NAA15: variants seen among roughly 807,000 people sequenced by gnomAD.
NAA15 encodes the protein N-alpha-acetyltransferase 15, NatA auxiliary subunit, also known as N-terminal acetyltransferase.
A neutral mutation model predicts 114.0 loss-of-function variants in NAA15; 34 were observed. That is an observed-to-expected ratio of 0.30 (90% CI 0.23 to 0.40). The LOEUF (loss-of-function observed/expected upper bound fraction) is 0.40. Ranked by LOEUF, NAA15 falls within the 10% of genes least tolerant of loss-of-function variation. NAA15 has a pLI of 1.00. For missense variants in NAA15, 658 were observed against 1,004.5 expected, an observed-to-expected ratio of 0.66 and a Z score of 4.66; for synonymous variants, 340 against 338.0, an observed-to-expected ratio of 1.01 and a Z score of -0.06.
chr4:139,374,513 A>G (rs1748531602), intron 15 of NAA15, among the ~76,000 whole-genome samples: 1 of 152,162 alleles, frequency 6.6e-6, no homozygotes, highest in South Asian at 2.1e-4. Flanking sequence ...TATTGAAAAC[A>G]TGGTTTTCAT....
intron 1 of NAA15, among the ~76,000 whole-genome samples, chr4:139,315,070 GT>G (rs1280426556): frequency 1.5e-5 from 2 of 129,058 alleles, no homozygotes; most frequent in Admixed American, 1.5e-4. Flanking sequence ...GTTTAGTTTA[GT>G]TTAGTTTTTG....
intron 1 of NAA15, among the ~76,000 whole-genome samples, chr4:139,321,805 CT>C (rs1201045805): frequency 6.6e-6 from 1 of 151,748 alleles, no homozygotes; most frequent in Non-Finnish European, 1.5e-5. Context: ...TTTTTGTTGC[CT>C]TTGTGTTTTG....
intron 1 of NAA15, among the ~76,000 whole-genome samples, chr4:139,306,439 T>C (rs1746018655): frequency 6.6e-6 from 1 of 152,004 alleles, no homozygotes; most frequent in South Asian, 2.1e-4. Context: ...TTCACCATGT[T>C]GGCCAGGCTG....
intron 1 of NAA15, among the ~76,000 whole-genome samples, chr4:139,329,561 C>G (rs1746929940): frequency 6.6e-6 from 1 of 152,128 alleles, no homozygotes; most frequent in Non-Finnish European, 1.5e-5. Flanking sequence ...TGTATGTCTA[C>G]TCTTAAGGAA....
At chr4:139,382,806 A>G (rs927463282) in intron 17 of NAA15, among the ~76,000 whole-genome samples, 2 of 152,214 alleles carry the variant, frequency 1.3e-5, no homozygotes, top group East Asian at 3.8e-4. Context: ...AAGAAATGCT[A>G]TTTAACCAAC....
At chr4:139,325,933 T>C (rs767024919) in intron 1 of NAA15, among the ~76,000 whole-genome samples, 4 of 152,212 alleles carry the variant, frequency 2.6e-5, no homozygotes, top group Non-Finnish European at 5.9e-5. Context: ...CCGTTGTCTG[T>C]TTTTATATGC....
At chr4:139,308,337 T>C (rs1004282407) in intron 1 of NAA15, among the ~76,000 whole-genome samples, 1 of 152,204 alleles carries the variant, frequency 6.6e-6, no homozygotes, top group Non-Finnish European at 1.5e-5. Context: ...TTAATGATAC[T>C]TAGTTTAGCT....
chr4:139,381,306 G>A (rs1475198496), intron 17 of NAA15, among the ~76,000 whole-genome samples: 1 of 152,084 alleles, frequency 6.6e-6, no homozygotes, highest in African/African-American at 2.4e-5. Context: ...TCAGTGCTAA[G>A]TAAAAGATAG....
chr4:139,384,322 A>G (rs1334631781), intron 17 of NAA15, among the ~76,000 whole-genome samples: 2 of 152,172 alleles, frequency 1.3e-5, no homozygotes, highest in East Asian at 1.9e-4. Context: ...ACAAAAAAAT[A>G]GAAAAATTAG....
intron 1 of NAA15, among the ~76,000 whole-genome samples, chr4:139,327,780 C>T (rs531609788): frequency 6.6e-6 from 1 of 152,050 alleles, no homozygotes; most frequent in Admixed American, 6.5e-5. Context: ...ATTCTCCTGC[C>T]TCTGCCTCCC....
intron 1 of NAA15, among the ~76,000 whole-genome samples, chr4:139,312,855 A>G (rs1049932601): frequency 1.1e-4 from 16 of 151,742 alleles, no homozygotes; most frequent in African/African-American, 3.6e-4. Flanking sequence ...GGGGGGGAAA[A>G]AAAAAGTAAA....
At position 139,313,888 on chromosome 4, in the gene NAA15, G is replaced by C. The variant is rs150648789; in HGVS notation, c.54+12057G>C. 2.6e-3 allele frequency among the ~76,000 whole-genome samples: 397 copies of C among 151,816 alleles called. 9 individuals are homozygous for C. The highest frequency in any genetic ancestry group is 8.4e-3 in the African/African-American group (349 of 41,326). ...ATATACAGGTAATTCCACTGTATCG[G>C]GACATGGAGATTCCTAAAAGTCGCT... On this transcript the variant is annotated intron_variant, in intron 1 of 19. Transcript: ENST00000296543.
At chr4:139,376,216 T>C (rs762524348) in intron 15 of NAA15, 149 bp from the exon 16 acceptor site, 2 of 520,666 alleles carry the variant, frequency 3.8e-6, no homozygotes, top group Non-Finnish European at 6.7e-6. Context: ...ATCCCCTTTT[T>C]TAGGTTATAG....
chr4:139,339,623 C>T (rs1022691710), intron 3 of NAA15, among the ~76,000 whole-genome samples: 13 of 151,798 alleles, frequency 8.6e-5, no homozygotes, highest in African/African-American at 2.2e-4. Flanking sequence ...TGGTGGCAGA[C>T]GCTTGTAATC....
intron 1 of NAA15, among the ~76,000 whole-genome samples, chr4:139,309,469 G>C (rs182564597): frequency 2.2e-5 from 3 of 135,978 alleles, no homozygotes; most frequent in Middle Eastern, 3.7e-3. Context: ...GTGTGTGTGT[G>C]TCCAGGATTT....
chr4:139,376,008 TCTCTGTAGTCTC>T (rs1226294609), intron 15 of NAA15, among the ~76,000 whole-genome samples: 1 of 152,186 alleles, frequency 6.6e-6, no homozygotes, highest in East Asian at 1.9e-4. Context: ...TCTGTCATGG[TCTCTGTAGTCTC>T]CTTTGTACTT....
intron 14 of NAA15, among the ~76,000 whole-genome samples, chr4:139,365,354 A>G (rs1346477112): frequency 2.6e-5 from 4 of 151,922 alleles, no homozygotes; most frequent in South Asian, 4.2e-4. Context: ...TGTCTTTTTA[A>G]TCATCTGGAG....
chr4:139,309,681 A>T (rs1242655171), intron 1 of NAA15, among the ~76,000 whole-genome samples: 1 of 151,958 alleles, frequency 6.6e-6, no homozygotes, highest in East Asian at 1.9e-4. Context: ...AAAATTCTGT[A>T]TTGTGTTAGA....
chr4:139,332,590 T>TTTTG (rs1283770383), intron 1 of NAA15, among the ~76,000 whole-genome samples: 1 of 130,198 alleles, frequency 7.7e-6, no homozygotes, highest in Non-Finnish European at 1.6e-5. Context: ...TTTTTTTTTT[T>TTTTG]TTTTTTTTTT....
Sources: allele counts gnomAD v4.1 joint callset (sites outside exome capture counted in the v4.1 genomes callset), GRCh38; gene constraint gnomAD v4.1.1; transcripts MANE v1.5; gene names NCBI Gene and HGNC (gene_info 2026-07-23, HGNC 2026-07-21).